Variants in ZFAT observed in about 807,000 individuals in gnomAD.
The protein encoded by ZFAT is zinc finger and AT-hook domain containing, also known as zinc finger protein ZFAT.
ZFAT carries 64 observed loss-of-function variants against 117.7 expected under a neutral mutation model. The observed-to-expected ratio is 0.54, with a 90% CI of 0.44 to 0.67. The LOEUF (loss-of-function observed/expected upper bound fraction) is 0.67, where lower values mean the gene tolerates loss of function less well. Ranked by LOEUF, ZFAT falls within the 30% of genes least tolerant of loss-of-function variation. The pLI is 0.00. For synonymous variants in ZFAT, 679 were observed against 615.0 expected, an observed-to-expected ratio of 1.10 and a Z score of -1.54; for missense variants, 1,433 against 1,584.5, an observed-to-expected ratio of 0.90 and a Z score of 1.62.
Position 134,669,395 on chromosome 8 carries a change from A to G in ZFAT, c.20-11658T>C, listed in dbSNP as rs182685148. On this transcript the variant is annotated intron_variant, in intron 1 of 15. Coordinates refer to ENST00000377838, the MANE Select transcript of ZFAT (RefSeq NM_020863.4). ...CAAAGGGAAGCCCATCTGACTAACA[A>G]CGGATCTCTCGGCGGAAACTCCACA... Among the ~76,000 whole-genome samples the G allele has an allele frequency of 1.8e-3, 271 of 152,338 alleles. 2 individuals are homozygous for G. The highest frequency in any genetic ancestry group is 6.0e-3 in the African/African-American group (251 of 41,582).
intron 7 of ZFAT, chr8:134,594,987 G>T (rs1248062044): frequency 6.6e-6 from 1 of 152,196 alleles, no homozygotes; most frequent in Non-Finnish European, 1.5e-5. Context: ...TTAAATAACA[G>T]ATTCTCAGAT....
chr8:134,653,264 C>T (rs113308717), intron 2 of ZFAT, among the ~76,000 whole-genome samples: 10 of 84,658 alleles, frequency 1.2e-4, no homozygotes, highest in Admixed American at 1.5e-4. Context: ...ACCCAAATGT[C>T]TTTTTTAAAA....
intron 15 of ZFAT, among the ~76,000 whole-genome samples, chr8:134,506,636 T>C (rs1819432851): frequency 6.6e-6 from 1 of 152,230 alleles, no homozygotes; most frequent in Non-Finnish European, 1.5e-5. Flanking sequence ...ATTAATCCCT[T>C]TCAGTGATTA....
At chr8:134,534,229 C>T (rs775292202) in intron 11 of ZFAT, among the ~76,000 whole-genome samples, 6 of 152,180 alleles carry the variant, frequency 3.9e-5, no homozygotes, top group Admixed American at 6.5e-5. Flanking sequence ...AAACTGATAC[C>T]TAAAATGCCA....
Position 134,545,539 on chromosome 8 carries a change from G to A in ZFAT, c.2977-12567C>T, listed in dbSNP as rs749252417. On this transcript the variant is annotated intron_variant, in intron 11 of 15. Coordinates refer to ENST00000377838, the MANE Select transcript of ZFAT (RefSeq NM_020863.4). ...TGAGACATGGTTTAGAGATGCATAC[G>A]TGGTTGGCAAAACTATAATGAAATA... Among the ~76,000 whole-genome samples, 186 of 152,148 alleles carry A rather than the reference G, an allele frequency of 1.2e-3. 5 individuals carry two copies. Among genetic ancestry groups the A allele is most frequent in the Non-Finnish European group, 5.1e-4 (35 of 68,038 alleles).
At chr8:134,524,926 A>C (rs1346361123) in intron 12 of ZFAT, among the ~76,000 whole-genome samples, 1 of 152,204 alleles carries the variant, frequency 6.6e-6, no homozygotes, top group Non-Finnish European at 1.5e-5. Flanking sequence ...TCATACATCA[A>C]GTCATGGTTT....
the ZFAT span, among the ~76,000 whole-genome samples, chr8:134,791,446 T>A: frequency 1.3e-5 from 2 of 152,210 alleles, no homozygotes; most frequent in Non-Finnish European, 2.9e-5. Context: ...CCTAGGTCAG[T>A]GTACCTTCAG....
At chr8:134,564,586 A>G (rs1333035582) in intron 11 of ZFAT, among the ~76,000 whole-genome samples, 1 of 152,226 alleles carries the variant, frequency 6.6e-6, no homozygotes, top group African/African-American at 2.4e-5. Flanking sequence ...TCTGGGATGT[A>G]ATGGTAGACA....
At chr8:134,802,063 T>A in the ZFAT span, among the ~76,000 whole-genome samples, 9 of 152,196 alleles carry the variant, frequency 5.9e-5, no homozygotes, top group African/African-American at 1.9e-4. Flanking sequence ...TGAACAGCAA[T>A]GGACTGTTTC....
intron 15 of ZFAT, among the ~76,000 whole-genome samples, chr8:134,482,217 C>T (rs931129244): frequency 3.9e-5 from 6 of 152,192 alleles, no homozygotes; most frequent in Non-Finnish European, 4.4e-5. Flanking sequence ...ACTCCAGCCA[C>T]CACTCCTGAG....
At chr8:134,828,352 T>C in the ZFAT span, among the ~76,000 whole-genome samples, 3 of 152,244 alleles carry the variant, frequency 2.0e-5, no homozygotes, top group African/African-American at 7.2e-5. Context: ...TTGACCCATA[T>C]TCAGTATTAA....
intron 2 of ZFAT, among the ~76,000 whole-genome samples, chr8:134,652,055 C>T (rs529460128): frequency 2.4e-4 from 37 of 152,230 alleles, no homozygotes; most frequent in South Asian, 4.1e-4. Context: ...TGGTGGCTCA[C>T]GCCTCTAATC....
chr8:134,817,394 TACACACACAC>T, the ZFAT span, among the ~76,000 whole-genome samples: 125 of 126,072 alleles, frequency 9.9e-4, 2 homozygotes, highest in South Asian at 2.5e-3. Context: ...TCTCTCTCTC[TACACACACAC>T]ACACACACAC....
At chr8:134,661,285 A>G (rs1831913345) in intron 1 of ZFAT, among the ~76,000 whole-genome samples, 1 of 152,188 alleles carries the variant, frequency 6.6e-6, no homozygotes, top group Admixed American at 6.5e-5. Flanking sequence ...CTGACAACAC[A>G]GGGACCTGCG....
chr8:134,766,271 A>G, the ZFAT span: 2 of 152,254 alleles, frequency 1.3e-5, no homozygotes, highest in African/African-American at 4.8e-5. Flanking sequence ...TGAGGCAAAC[A>G]ACCTCCTGGA....
intron 10 of ZFAT, among the ~76,000 whole-genome samples, chr8:134,577,669 A>C (rs760436424): frequency 6.6e-6 from 1 of 152,178 alleles, no homozygotes; most frequent in Non-Finnish European, 1.5e-5. Context: ...ATACAAAATA[A>C]ATGTAGTAAG....
At chr8:134,822,615 G>A in the ZFAT span, among the ~76,000 whole-genome samples, 2 of 152,080 alleles carry the variant, frequency 1.3e-5, no homozygotes, top group African/African-American at 2.4e-5. Context: ...GAGCATAAGT[G>A]TGAGAAAGTA....
chr8:134,740,177 G>C, the ZFAT span, among the ~76,000 whole-genome samples: 1 of 152,186 alleles, frequency 6.6e-6, no homozygotes, highest in African/African-American at 2.4e-5. Flanking sequence ...TTGTCTCGGG[G>C]AAATCCACTC....
In ZFAT at chr8:134,478,736, C is replaced by G; in HGVS notation, c.3493-15G>C. 6.5e-7 allele frequency: 1 copy of G among 1,544,398 alleles called. No individual in the cohort carries two copies. Among genetic ancestry groups the G allele is most frequent in the Non-Finnish European group, 8.8e-7 (1 of 1,142,798 alleles). ...TCCTCGGTGACCTGCGGGAGGAGGGCAAGAGAAAGGTCACCCAGCGCCTAC... is the reference window on the plus strand; with the variant it reads ...TCCTCGGTGACCTGCGGGAGGAGGGGAAGAGAAAGGTCACCCAGCGCCTAC... On this transcript the variant is annotated splice_polypyrimidine_tract_variant and intron_variant, in intron 15 of 15. Transcript: ENST00000377838. The surrounding 1 kb of genome is among the most constrained non-coding windows in gnomAD (Gnocchi z 5.2).
Sources: allele counts gnomAD v4.1 joint callset (sites outside exome capture counted in the v4.1 genomes callset), GRCh38; gene constraint gnomAD v4.1.1; non-coding constraint Gnocchi (gnomAD v3.1); transcripts MANE v1.5; gene names NCBI Gene and HGNC (gene_info 2026-07-23, HGNC 2026-07-21).